EXOC4: variants seen among roughly 807,000 people sequenced by gnomAD.
EXOC4 encodes the protein SEC8-like 1.
EXOC4 carries 71 observed loss-of-function variants against 107.2 expected under a neutral mutation model. The ratio of observed to expected loss-of-function variants is 0.66; its 90% CI spans 0.55 to 0.81. EXOC4 has a LOEUF of 0.81. EXOC4 is among the 30% of genes least tolerant of loss of function. The probability of loss-of-function intolerance (pLI) is 0.00; values close to 1 mark genes in which losing one functional copy is unlikely to be tolerated. For missense variants in EXOC4, 1,108 were observed against 1,189.6 expected (o/e 0.93, Z 1.01); for synonymous variants, 456 against 441.2 (o/e 1.03, Z -0.42).
chr7:133,657,968 C>A (rs925188112), intron 10 of EXOC4, among the ~76,000 whole-genome samples: 1 of 152,026 alleles, frequency 6.6e-6, no homozygotes, highest in Non-Finnish European at 1.5e-5. Flanking sequence ...CAGGTTAGTG[C>A]GGGATATAGG....
At chr7:133,963,076 G>A (rs979172549) in intron 14 of EXOC4, among the ~76,000 whole-genome samples, 6 of 152,244 alleles carry the variant, frequency 3.9e-5, no homozygotes, top group Non-Finnish European at 8.8e-5. Flanking sequence ...AGTTGATCCC[G>A]AGCAAAGGAA....
chr7:134,011,043 C>A (rs988331030), intron 17 of EXOC4, among the ~76,000 whole-genome samples: 4 of 152,202 alleles, frequency 2.6e-5, no homozygotes, highest in African/African-American at 9.7e-5. Flanking sequence ...ATCATTTAAG[C>A]TCTCTTACGG....
chr7:133,269,120 A>T (rs1018537923), intron 1 of EXOC4, among the ~76,000 whole-genome samples: 2 of 152,124 alleles, frequency 1.3e-5, no homozygotes, highest in African/African-American at 4.8e-5. Flanking sequence ...CATGTCTTTT[A>T]TTTAGCTCAT....
intron 11 of EXOC4, among the ~76,000 whole-genome samples, chr7:133,878,016 T>C (rs1474920907): frequency 6.6e-6 from 1 of 152,210 alleles, no homozygotes; most frequent in East Asian, 1.9e-4. Context: ...AACTACTGTT[T>C]CCTATATTTT....
chr7:133,782,887 G>T (rs545311326), intron 10 of EXOC4, among the ~76,000 whole-genome samples: 1 of 152,250 alleles, frequency 6.6e-6, no homozygotes, highest in South Asian at 2.1e-4. Flanking sequence ...CCCACTGGTG[G>T]ATTCTGTATG....
At chr7:133,787,963 TTATATATATATATA>T (rs1163259405) in intron 10 of EXOC4, among the ~76,000 whole-genome samples, 3,569 of 40,964 alleles carry the variant, frequency 0.087, 294 homozygotes, top group Middle Eastern at 0.15. Flanking sequence ...ATTTATATAT[TTATATATATATATA>T]TATATATATA....
intron 11 of EXOC4, among the ~76,000 whole-genome samples, chr7:133,818,910 G>T (rs1037108106): frequency 2.0e-5 from 3 of 152,016 alleles, no homozygotes; most frequent in Admixed American, 6.5e-5. Context: ...TGTCATGGAG[G>T]CCCCCTTGCC....
chr7:133,942,668 C>T (rs914940274), intron 14 of EXOC4, among the ~76,000 whole-genome samples: 33 of 152,126 alleles, frequency 2.2e-4, no homozygotes, highest in Admixed American at 1.7e-3. Flanking sequence ...TTTCTTTCTA[C>T]TACGTCAGTT....
chr7:133,317,915 C>G (rs1396347764), intron 5 of EXOC4, among the ~76,000 whole-genome samples: 1 of 152,072 alleles, frequency 6.6e-6, no homozygotes. Context: ...CTCCTGACCT[C>G]CCAAAGTGTT....
At chr7:133,545,345 A>G (rs938779790) in intron 9 of EXOC4, among the ~76,000 whole-genome samples, 10 of 152,092 alleles carry the variant, frequency 6.6e-5, no homozygotes, top group Non-Finnish European at 1.3e-4. Flanking sequence ...ATGTGCATGT[A>G]ATACCTATTT....
chr7:133,871,226 C>T (rs767161868), intron 11 of EXOC4, among the ~76,000 whole-genome samples: 1 of 151,614 alleles, frequency 6.6e-6, no homozygotes, highest in Non-Finnish European at 1.5e-5. Flanking sequence ...TCATCTCTTC[C>T]CAACTCTGAG....
chr7:133,259,107 C>T (rs1480150236), intron 1 of EXOC4, among the ~76,000 whole-genome samples: 1 of 151,636 alleles, frequency 6.6e-6, no homozygotes, highest in East Asian at 1.9e-4. Context: ...TCGTATGGAT[C>T]TTGTCCATGT....
At chr7:133,446,794 C>G (rs1798231794) in intron 7 of EXOC4, among the ~76,000 whole-genome samples, 3 of 152,158 alleles carry the variant, frequency 2.0e-5, no homozygotes, top group Admixed American at 1.3e-4. Context: ...ACTACCGCTG[C>G]TTTTTTCACG....
chr7:133,408,269 G>T (rs954495769), intron 7 of EXOC4, among the ~76,000 whole-genome samples: 1 of 151,560 alleles, frequency 6.6e-6, no homozygotes, highest in African/African-American at 2.4e-5. Context: ...TGGTGATCGT[G>T]GGGGTCATGG....
intron 14 of EXOC4, among the ~76,000 whole-genome samples, chr7:133,967,018 A>G (rs1159869900): frequency 1.3e-5 from 2 of 152,182 alleles, no homozygotes; most frequent in South Asian, 2.1e-4. Flanking sequence ...TTATAGGTCT[A>G]TTCAGGGCTT....
intron 9 of EXOC4, among the ~76,000 whole-genome samples, chr7:133,591,124 G>C (rs989352940): frequency 1.3e-5 from 2 of 152,178 alleles, no homozygotes; most frequent in African/African-American, 4.8e-5. Context: ...AAGGGCCAAG[G>C]GAACTATCCT....
chr7:133,496,003 C>T (rs1327213540), intron 9 of EXOC4, among the ~76,000 whole-genome samples: 1 of 151,220 alleles, frequency 6.6e-6, no homozygotes, highest in African/African-American at 2.4e-5. Flanking sequence ...AGTATACCTT[C>T]TTTTTTTTTA....
chr7:133,921,284 G>A (rs1401383934), intron 13 of EXOC4, among the ~76,000 whole-genome samples: 1 of 152,142 alleles, frequency 6.6e-6, no homozygotes, highest in Non-Finnish European at 1.5e-5. Flanking sequence ...TTCTATTCAG[G>A]CCCTCAATGG....
chr7:133,537,299 C>CG (rs1584984161), intron 9 of EXOC4, among the ~76,000 whole-genome samples: 2 of 147,820 alleles, frequency 1.4e-5, no homozygotes, highest in Non-Finnish European at 3.0e-5. Flanking sequence ...TACAGGCACC[C>CG]CCCCCCCCAC....
Sources: allele counts gnomAD v4.1 joint callset (sites outside exome capture counted in the v4.1 genomes callset), GRCh38; gene constraint gnomAD v4.1.1; transcripts MANE v1.5; gene names NCBI Gene and HGNC (gene_info 2026-07-23, HGNC 2026-07-21).